The following PPM1H variants were observed in gnomAD, a reference collection of about 807,000 sequenced individuals.
PPM1H encodes protein phosphatase 1H.
PPM1H carries 27 observed loss-of-function variants against 54.9 expected under a neutral mutation model. The ratio of observed to expected loss-of-function variants is 0.49; its 90% confidence interval spans 0.36 to 0.68. The LOEUF is 0.68. PPM1H is among the 30% of genes least tolerant of loss of function. The probability of loss-of-function intolerance (pLI) is 0.00; values close to 1 mark genes in which losing one functional copy is unlikely to be tolerated. For synonymous variants in PPM1H, 305 were observed against 270.8 expected, an observed-to-expected ratio of 1.13 and a Z score of -1.24; for missense variants, 596 against 667.8, an observed-to-expected ratio of 0.89 and a Z score of 1.19.
chr12:62,931,388 G>A (rs896586354), intron 1 of PPM1H, among the ~76,000 whole-genome samples: 1 of 152,160 alleles, frequency 6.6e-6, no homozygotes, highest in African/African-American at 2.4e-5. Flanking sequence ...CATTACTGGT[G>A]GCAGCTTCTG....
chr12:62,847,250 T>C (rs1014544779), intron 1 of PPM1H, among the ~76,000 whole-genome samples: 1 of 152,192 alleles, frequency 6.6e-6, no homozygotes. Flanking sequence ...GAGTCCCTAG[T>C]TCTAGGTGTT....
intron 1 of PPM1H, among the ~76,000 whole-genome samples, chr12:62,877,252 C>A (rs1870206886): frequency 6.6e-6 from 1 of 152,142 alleles, no homozygotes; most frequent in African/African-American, 2.4e-5. Flanking sequence ...GTTTTCATGG[C>A]TGTTGTGTCC....
chr12:62,786,853 A>G (rs997402991), intron 4 of PPM1H, among the ~76,000 whole-genome samples: 12 of 152,370 alleles, frequency 7.9e-5, no homozygotes, highest in African/African-American at 2.6e-4. Flanking sequence ...TACAACATGT[A>G]TTACACACTT....
At chr12:62,827,062 A>G (rs186841832) in intron 2 of PPM1H, among the ~76,000 whole-genome samples, 4 of 152,314 alleles carry the variant, frequency 2.6e-5, no homozygotes. Context: ...TATGGCTGCA[A>G]CTATAATTTT....
Position 62,689,692 on chromosome 12 carries a change from G to A in PPM1H, c.1245+7C>T. On this transcript the variant is annotated splice_region_variant and intron_variant, in intron 8 of 9. Transcript: ENST00000228705. Reference sequence around the variant, plus strand: ...CACAAAATATAAACAAAAACCTCATGCGGTACCTCTGGAGCTGAAGACAGG... The same window carrying A: ...CACAAAATATAAACAAAAACCTCATACGGTACCTCTGGAGCTGAAGACAGG... 6.2e-7 allele frequency: 1 copy of A among 1,607,176 alleles called. No individual in the cohort carries two copies. The highest frequency in any genetic ancestry group is 8.5e-7 in the Non-Finnish European group (1 of 1,174,680).
At chr12:62,748,369 A>G (rs950786882) in intron 4 of PPM1H, among the ~76,000 whole-genome samples, 2 of 152,232 alleles carry the variant, frequency 1.3e-5, no homozygotes, top group Admixed American at 6.5e-5. Context: ...TCTCCGCAGC[A>G]AGGGAACTTG....
chr12:62,923,398 T>C (rs185261615), intron 1 of PPM1H, among the ~76,000 whole-genome samples: 29 of 152,254 alleles, frequency 1.9e-4, no homozygotes, highest in Admixed American at 1.7e-3. Context: ...TTTTTTTTTC[T>C]TTTTTTGTTT....
intron 3 of PPM1H, among the ~76,000 whole-genome samples, chr12:62,798,108 G>A (rs1942026093): frequency 6.6e-6 from 1 of 152,166 alleles, no homozygotes; most frequent in South Asian, 2.1e-4. Flanking sequence ...CCAAGGGTAA[G>A]GACATGCCTG....
At chr12:62,845,706 A>T (rs1193716555) in intron 1 of PPM1H, among the ~76,000 whole-genome samples, 1 of 152,104 alleles carries the variant, frequency 6.6e-6, no homozygotes, top group Non-Finnish European at 1.5e-5. Context: ...TTCATTTAAG[A>T]TCCAAACACT....
At chr12:62,865,548 C>A (rs1037898954) in intron 1 of PPM1H, among the ~76,000 whole-genome samples, 1 of 152,114 alleles carries the variant, frequency 6.6e-6, no homozygotes. Flanking sequence ...TTTTTAAAAT[C>A]TCTTCTAGAT....
chr12:62,676,819 A>C (rs1473511049), intron 8 of PPM1H, among the ~76,000 whole-genome samples: 2 of 152,092 alleles, frequency 1.3e-5, no homozygotes, highest in African/African-American at 4.8e-5. Flanking sequence ...TGACATGTCG[A>C]TGGCAGCAGG....
At chr12:62,707,466 C>T (rs775993191) in intron 6 of PPM1H, among the ~76,000 whole-genome samples, 25 of 152,180 alleles carry the variant, frequency 1.6e-4, no homozygotes, top group Non-Finnish European at 3.7e-4. Context: ...GGCTGCCCAG[C>T]GCTCTTTAAC....
chr12:62,667,329 C>T lies in PPM1H; in HGVS notation c.1246G>A (p.Val416Ile), dbSNP rs867760781. 6.4e-7 allele frequency: 1 copy of T among 1,573,438 alleles called. No homozygotes were observed. The change falls in exon 9 of 10, where the codon GTA becomes ATA. Residue 416 changes from valine (V) to isoleucine (I), a missense_variant and splice_region_variant. Transcript: ENST00000228705. Reference protein sequence around the residue: ...IKPFLSSAPEVRIYDLSKYDH... With the variant: ...IKPFLSSAPEIRIYDLSKYDH... ...TATTTTGAAAGATCGTAGATTCTTA[C>T]CTGAAAAAAAACAAGAATACTACCA...
At chr12:62,773,580 C>T (rs2076591468) in intron 4 of PPM1H, among the ~76,000 whole-genome samples, 1 of 152,182 alleles carries the variant, frequency 6.6e-6, no homozygotes, top group South Asian at 2.1e-4. Flanking sequence ...GTGGTAGTCA[C>T]CACTTAGGCC....
At chr12:62,708,641 A>T (rs371630569) in intron 6 of PPM1H, among the ~76,000 whole-genome samples, 1 of 152,236 alleles carries the variant, frequency 6.6e-6, no homozygotes, top group Non-Finnish European at 1.5e-5. Flanking sequence ...GATCCTAAAA[A>T]TAGGCTGAGA....
At chr12:62,758,614 C>A (rs1274829884) in intron 4 of PPM1H, among the ~76,000 whole-genome samples, 1 of 152,026 alleles carries the variant, frequency 6.6e-6, no homozygotes, top group Admixed American at 6.5e-5. Context: ...TCCATAATTG[C>A]AATCATCTCA....
intron 7 of PPM1H, among the ~76,000 whole-genome samples, chr12:62,692,394 TC>T (rs1450155026): frequency 6.6e-6 from 1 of 152,232 alleles, no homozygotes; most frequent in Admixed American, 6.5e-5. Context: ...TCTTGCTCCT[TC>T]AAATCTTACT....
chr12:62,691,517 C>T (rs959023345), intron 7 of PPM1H, among the ~76,000 whole-genome samples: 2 of 152,016 alleles, frequency 1.3e-5, no homozygotes, highest in Non-Finnish European at 2.9e-5. Context: ...GGGCAAGGGT[C>T]AGAGGGGATA....
intron 4 of PPM1H, among the ~76,000 whole-genome samples, chr12:62,777,462 T>C (rs143384276): frequency 5.3e-5 from 8 of 152,336 alleles, no homozygotes; most frequent in Admixed American, 1.3e-4. Flanking sequence ...AAAATATTCA[T>C]TGAATCCTGC....
Sources: allele counts gnomAD v4.1 joint callset (sites outside exome capture counted in the v4.1 genomes callset), GRCh38; gene constraint gnomAD v4.1.1; transcripts MANE v1.5; gene names NCBI Gene and HGNC (gene_info 2026-07-23, HGNC 2026-07-21).